PAH: variants seen among roughly 807,000 people sequenced by gnomAD.
PAH encodes phenylalanine-4-hydroxylase.
In PAH, 64 loss-of-function variants were observed where a neutral mutation model predicts 62.0. The ratio of observed to expected loss-of-function variants is 1.03; its 90% CI spans 0.84 to 1.27. PAH has a LOEUF of 1.27. Ranked by LOEUF, PAH falls within the 50% of genes most tolerant of loss-of-function variation. The pLI, the probability that PAH is intolerant of heterozygous loss-of-function variation, is 0.00. For synonymous variants in PAH, 195 were observed against 196.2 expected (o/e 0.99, Z 0.05); for missense variants, 579 against 542.8 (o/e 1.07, Z -0.66).
intron 2 of PAH, among the ~76,000 whole-genome samples, chr12:102,908,870 T>TC (rs2136722547): frequency 6.7e-6 from 1 of 149,482 alleles, no homozygotes; most frequent in Admixed American, 6.7e-5. Context: ...AGACAGAGTT[T>TC]CACTCTCGCT....
At chr12:102,848,329 G>A (rs1874967207) in intron 8 of PAH, among the ~76,000 whole-genome samples, 1 of 88,974 alleles carries the variant, frequency 1.1e-5, no homozygotes, top group African/African-American at 7.6e-5. Flanking sequence ...GAGAGGTGGA[G>A]GGTAGACAGG....
intron 3 of PAH, among the ~76,000 whole-genome samples, chr12:102,884,543 G>C (rs1203193212): frequency 1.3e-5 from 2 of 152,180 alleles, no homozygotes; most frequent in Non-Finnish European, 2.9e-5. Flanking sequence ...TGCGTCTCTG[G>C]CTTTGCATCT....
intron 1 of PAH, among the ~76,000 whole-genome samples, chr12:102,939,572 T>A (rs73395428): frequency 0.032 from 4,810 of 152,088 alleles, 264 homozygotes; most frequent in African/African-American, 0.11. Context: ...AAAGACCCTG[T>A]TCATTTTGCT....
intron 1 of PAH, among the ~76,000 whole-genome samples, chr12:102,913,361 T>C (rs1878273787): frequency 6.6e-6 from 1 of 152,158 alleles, no homozygotes; most frequent in Non-Finnish European, 1.5e-5. Context: ...CATTGAGAAA[T>C]ACAGTGTGGA....
chr12:102,926,820 T>TTAGGAATAGAAGACAC (rs1878695883), intron 1 of PAH, among the ~76,000 whole-genome samples: 1 of 151,962 alleles, frequency 6.6e-6, no homozygotes, highest in African/African-American at 2.4e-5. Context: ...TTTATGTCCA[T>TTAGGAATAGAAGACAC]TGTATCTATG....
intron 6 of PAH, chr12:102,853,503 CT>C (rs1459719770): frequency 5.0e-5 from 9 of 180,358 alleles, no homozygotes; most frequent in Non-Finnish European, 1.1e-4. Context: ...CTGTACTGCT[CT>C]TTCTCTCTTG....
chr12:102,868,404 A>G (rs1876157771), intron 4 of PAH, among the ~76,000 whole-genome samples: 1 of 151,894 alleles, frequency 6.6e-6, no homozygotes, highest in South Asian at 2.1e-4. Flanking sequence ...CAAATGTTTC[A>G]CACTTGAAAA....
At chr12:102,865,607 G>C (rs1301447952) in intron 5 of PAH, among the ~76,000 whole-genome samples, 1 of 152,174 alleles carries the variant, frequency 6.6e-6, no homozygotes, top group Non-Finnish European at 1.5e-5. Context: ...TGGGGCAAAG[G>C]TGGAGTCAGG....
chr12:102,882,677 A>ATAT (rs1461425878), intron 3 of PAH, among the ~76,000 whole-genome samples: 4,122 of 45,026 alleles, frequency 0.092, 57 homozygotes, highest in African/African-American at 0.095. Flanking sequence ...TATATATATA[A>ATAT]AATTTTTTTC....
At chr12:102,888,834 C>T (rs987512956) in intron 3 of PAH, among the ~76,000 whole-genome samples, 1 of 152,018 alleles carries the variant, frequency 6.6e-6, no homozygotes, top group East Asian at 1.9e-4. Context: ...ACAGCCAATC[C>T]TGTGTGTTTT....
chr12:102,851,607 G>A (rs1875149559), intron 8 of PAH, 80 bp downstream of exon 8: 3 of 1,140,438 alleles, frequency 2.6e-6, no homozygotes, highest in Admixed American at 1.7e-5. Context: ...AGGGCATGAG[G>A]ACCCCTCCCT....
chr12:102,931,890 C>CA (rs1878890363), intron 1 of PAH, among the ~76,000 whole-genome samples: 1 of 152,152 alleles, frequency 6.6e-6, no homozygotes, highest in Non-Finnish European at 1.5e-5. Flanking sequence ...GAGCTCCTAT[C>CA]ATGTGGCAGC....
At chr12:102,917,365 C>T (rs1487195946), upstream of PAH, 1 of 545,326 alleles carries the variant, frequency 1.8e-6, no homozygotes, top group Non-Finnish European at 3.3e-6. Flanking sequence ...CAGGACGGGC[C>T]GGAGGGGAGG....
chr12:102,923,468 T>C (rs185843762), intron 1 of PAH: 2 of 152,314 alleles, frequency 1.3e-5, no homozygotes, highest in East Asian at 1.9e-4. Context: ...TTCATGCTAA[T>C]GTAAGTTGCT....
chr12:102,857,495 A>C (rs1421764884), intron 5 of PAH, among the ~76,000 whole-genome samples: 1 of 152,222 alleles, frequency 6.6e-6, no homozygotes, highest in South Asian at 2.1e-4. Context: ...ACTCCTCGAG[A>C]AGAGCAACTC....
rs570625163 is a variant in PAH at position 102,885,446 on chromosome 12, G to A, written c.353-7896C>T. On this transcript the variant is annotated intron_variant, in intron 3 of 12. Transcript: ENST00000553106. Reference sequence around the variant, plus strand: ...CCCTTAACAGCCTCTCCGGCGGGCGGCTGGGCTCCGCGGTTAATGAATGAC... The same window carrying A: ...CCCTTAACAGCCTCTCCGGCGGGCGACTGGGCTCCGCGGTTAATGAATGAC... 2.6e-3 allele frequency among the ~76,000 whole-genome samples: 401 copies of A among 152,344 alleles called. 1 individual carries two copies. Among genetic ancestry groups the A allele is most frequent in the Non-Finnish European group, 5.2e-3 (357 of 68,032 alleles).
intron 11 of PAH, among the ~76,000 whole-genome samples, chr12:102,842,829 T>C (rs1269924779): frequency 1.3e-5 from 2 of 152,200 alleles, no homozygotes; most frequent in Non-Finnish European, 2.9e-5. Flanking sequence ...ATACCCAGTG[T>C]CATAGACTCC....
At chr12:102,948,291 G>C (rs145679461) in intron 1 of PAH, among the ~76,000 whole-genome samples, 17 of 152,144 alleles carry the variant, frequency 1.1e-4, no homozygotes, top group African/African-American at 4.1e-4. Flanking sequence ...GTTGGAGAGA[G>C]GTAGGGCAGA....
chr12:102,940,492 C>T (rs564120977), intron 1 of PAH, among the ~76,000 whole-genome samples: 38 of 152,268 alleles, frequency 2.5e-4, no homozygotes, highest in African/African-American at 8.9e-4. Context: ...CCAAACTGAT[C>T]TAATAGAGCT....
Sources: gnomAD v4.1 joint callset for allele counts (sites outside exome capture counted in the v4.1 genomes callset) on GRCh38, gnomAD v4.1.1 for gene constraint, MANE v1.5 for transcripts, NCBI Gene and HGNC (gene_info 2026-07-23, HGNC 2026-07-21) for gene names.